Variants in P4HB observed in about 807,000 individuals in gnomAD.
The protein encoded by P4HB is prolyl 4-hydroxylase subunit beta.
A neutral mutation model predicts 52.6 loss-of-function variants in P4HB; 20 were observed. The ratio of observed to expected loss-of-function variants is 0.38; its 90% CI spans 0.27 to 0.55. The LOEUF (loss-of-function observed/expected upper bound fraction) is 0.55, where lower values mean the gene tolerates loss of function less well. Among genes scored for constraint, P4HB ranks in the 20% least tolerant of loss-of-function variants. The pLI, the probability that P4HB is intolerant of heterozygous loss-of-function variation, is 0.74. For synonymous variants in P4HB, 296 were observed against 277.9 expected (o/e 1.07, Z -0.65); for missense variants, 601 against 669.2 (o/e 0.90, Z 1.12).
Position 81,855,012 on chromosome 17 carries a change from A to C in P4HB, c.624+130T>G. The C allele has an allele frequency of 1.1e-6, 1 of 875,738 alleles. No homozygotes were observed. The highest frequency in any genetic ancestry group is 1.8e-6 in the Non-Finnish European group (1 of 541,502). 54.2% of individuals were successfully genotyped at this position (875,738 alleles called of 1,614,324 possible). On this transcript the variant is annotated intron_variant, in intron 4 of 10. Coordinates refer to ENST00000331483, the MANE Select transcript of P4HB (RefSeq NM_000918.4). The surrounding 1 kb of genome is among the most constrained non-coding windows in gnomAD (Gnocchi z 4.3). The stretch of plus-strand genomic sequence containing the variant: ...ATCAGCGCAACACCCCAACTTGGCA[A>C]AGCTGCAGAACATACCTATTGGGCC...
At chr17:81,858,257 C>CAAAAA (rs901002093) in intron 2 of P4HB, among the ~76,000 whole-genome samples, 1 of 38,780 alleles carries the variant, frequency 2.6e-5, no homozygotes, top group African/African-American at 7.7e-5. Flanking sequence ...GAGACTGTCT[C>CAAAAA]AAAAAAAAAA....
In P4HB at chr17:81,855,317, C is replaced by G. The variant is rs202036920; in HGVS notation, c.487-38G>C. On this transcript the variant is annotated intron_variant, in intron 3 of 10. Transcript: ENST00000331483. This position sits in a 1 kb window ranked among gnomAD's most constrained non-coding sequence, Gnocchi z 4.3. The stretch of plus-strand genomic sequence containing the variant: ...GGAGAAGCAGAGGTCGTCATGATCC[C>G]GCAGCACCAAGCAGTAGGGCAGACC... The G allele has an allele frequency of 6.2e-7, 1 of 1,612,842 alleles. No homozygotes were observed. Among genetic ancestry groups the G allele is most frequent in the African/African-American group, 1.3e-5 (1 of 74,848 alleles).
chr17:81,846,333 T>G lies in P4HB; in HGVS notation c.1056+96A>C. 3.5e-6 allele frequency: 4 copies of G among 1,135,946 alleles called. No individual in the cohort carries two copies. Among genetic ancestry groups the G allele is most frequent in the Non-Finnish European group, 5.2e-6 (4 of 764,310 alleles). The allele number at this position is 1,135,946 out of a possible 1,614,324, so 70.4% of individuals were successfully genotyped here. The stretch of plus-strand genomic sequence containing the variant: ...CTCCGTCCTCTTACTCTGAAGATCT[T>G]ACTTTGAGGACGAAGCCCAGGACAC... On this transcript the variant is annotated intron_variant, in intron 7 of 10. Coordinates refer to ENST00000331483, the MANE Select transcript of P4HB (RefSeq NM_000918.4). This position sits in a 1 kb window ranked among gnomAD's most constrained non-coding sequence, Gnocchi z 5.7.
intron 2 of P4HB, 58 bp downstream of exon 2, chr17:81,859,123 C>A: frequency 6.5e-7 from 1 of 1,531,104 alleles, no homozygotes; most frequent in Non-Finnish European, 9.0e-7. Flanking sequence ...CCTGCCCTTC[C>A]AAGTCGGCAG....
At chr17:81,845,828 C>T in intron 8 of P4HB, 43 bp downstream of exon 8, 2 of 1,613,974 alleles carry the variant, frequency 1.2e-6, no homozygotes, top group Non-Finnish European at 1.7e-6. Context: ...CTTGCGCGTG[C>T]CCTGGTGGCA....
rs761801875 is a variant in P4HB at position 81,859,299 on chromosome 17, C to G, written c.234G>C (p.Arg78Ser). 3.3e-5 allele frequency: 53 copies of G among 1,613,908 alleles called. No homozygotes were observed. The South Asian group carries it at 5.0e-4, about 15-fold the overall frequency. Reference protein sequence around the residue: ...GKLKAEGSEIRLAKVDATEES... With the variant: ...GKLKAEGSEISLAKVDATEES... Reference sequence around the variant, plus strand: ...CCTCCGTGGCGTCCACCTTGGCCAACCTGATCTCGGAACCTTCTGCCTTCA... The same window carrying G: ...CCTCCGTGGCGTCCACCTTGGCCAAGCTGATCTCGGAACCTTCTGCCTTCA... The change falls in exon 2 of 11, where the codon AGG (arginine) becomes AGC (serine). Residue 78 changes from arginine to serine, a missense_variant. Transcript: ENST00000331483.
chr17:81,859,997 G>A (rs909770401), intron 1 of P4HB: 3 of 231,770 alleles, frequency 1.3e-5, no homozygotes, highest in Non-Finnish European at 1.7e-5. Context: ...GCAGGAGCGG[G>A]GCGCCTTCCG....
intron 4 of P4HB, among the ~76,000 whole-genome samples, chr17:81,848,746 A>G (rs913923403): frequency 1.4e-5 from 2 of 145,954 alleles, no homozygotes; most frequent in African/African-American, 5.1e-5. Context: ...CAAAAAAAAA[A>G]AAAAAAAAAA....
Position 81,855,361 on chromosome 17 carries a change from G to A in P4HB, c.487-82C>T. The A allele has an allele frequency of 1.2e-6, 2 of 1,600,880 alleles. No individual in the cohort carries two copies. Among genetic ancestry groups the A allele is most frequent in the Non-Finnish European group, 1.7e-6 (2 of 1,170,674 alleles). ...GCAGACCCTGTAGAGCCCAGGCCAG[G>A]GGGGACACGTGCAGAACTGCCAGCT... On this transcript the variant is annotated intron_variant, in intron 3 of 10. Coordinates refer to ENST00000331483, the MANE Select transcript of P4HB (RefSeq NM_000918.4). The surrounding 1 kb of genome is among the most constrained non-coding windows in gnomAD (Gnocchi z 4.3).
intron 4 of P4HB, among the ~76,000 whole-genome samples, chr17:81,852,328 G>A (rs2038844727): frequency 6.6e-6 from 1 of 152,204 alleles, no homozygotes; most frequent in African/African-American, 2.4e-5. Context: ...GAAGGGAAGA[G>A]CAGGCAAGAG....
intron 4 of P4HB, among the ~76,000 whole-genome samples, chr17:81,852,846 T>A (rs1353622505): frequency 6.6e-6 from 1 of 152,226 alleles, no homozygotes; most frequent in Non-Finnish European, 1.5e-5. Flanking sequence ...GAAGGAGCTG[T>A]GGGCTGTGTG....
At position 81,860,479 on chromosome 17, in the gene P4HB, A is replaced by G; in HGVS notation, c.-8T>C. ...CAGAGCGCGGCGCAGCATGTCGGAC[A>G]CGGATCAGGCGGGGCGCTTCGGTTG... On this transcript the variant is annotated 5_prime_UTR_variant, in exon 1 of 11. Transcript: ENST00000331483. 4 of 1,303,096 alleles carry G rather than the reference A, an allele frequency of 3.1e-6. No individual in the cohort carries two copies. The highest frequency in any genetic ancestry group is 2.9e-6 in the Non-Finnish European group (3 of 1,023,440). 80.7% of individuals were successfully genotyped at this position (1,303,096 alleles called of 1,614,324 possible).
chr17:81,855,756 A>C lies in P4HB; in HGVS notation c.353-170T>G. On this transcript the variant is annotated intron_variant, in intron 2 of 10. Transcript: ENST00000331483. The surrounding 1 kb of genome is among the most constrained non-coding windows in gnomAD (Gnocchi z 4.3). ...CCCGGTGCCGTCCGCCCGCCTCCTA[A>C]ACCCCAGTGTACGTGAGACTGTGGT... The C allele has an allele frequency of 1.5e-6, 1 of 660,816 alleles. No homozygotes were observed. The highest frequency in any genetic ancestry group is 2.5e-6 in the Non-Finnish European group (1 of 395,794). The allele number at this position is 660,816 out of a possible 1,614,324, so 40.9% of individuals were successfully genotyped here.
At position 81,846,546 on chromosome 17, in the gene P4HB, C is replaced by T. The variant is rs200780339; in HGVS notation, c.939G>A (p.Pro313=). The stretch of plus-strand genomic sequence containing the variant: ...CCTCCAGGGTGATGAGGCGCACGGC[C>T]GGGCACTCTTCCTTCTTCAGGCCAA... ...EFFGLKKEEC[P]AVRLITLEEE... is the part of the protein sequence containing the mutation. Residue 313 remains proline, a synonymous_variant, in exon 7 of 11, where the codon CCG becomes CCA. Coordinates refer to ENST00000331483, the MANE Select transcript of P4HB (RefSeq NM_000918.4). The surrounding 1 kb of genome is among the most constrained non-coding windows in gnomAD (Gnocchi z 5.7). 55 of 1,614,022 alleles carry T rather than the reference C, an allele frequency of 3.4e-5. No individual in the cohort carries two copies. In the East Asian group the frequency reaches 4.2e-4, roughly 12 times the overall value.
rs866190984 is a variant in P4HB at position 81,845,917 on chromosome 17, A to G, written c.1131T>C (p.Phe377=). The G allele has an allele frequency of 1.2e-6, 2 of 1,613,614 alleles. No homozygotes were observed. The highest frequency in any genetic ancestry group is 2.7e-5 in the African/African-American group (2 of 74,938). ...TTTTCTCATCAAAAGCCACGTCTTC[A>G]AAGTTCTTCCCAACAAGCACCTTGA... is the stretch of plus-strand genomic sequence containing the variant. ...QPVKVLVGKN[F]EDVAFDEKKN... The change falls in exon 8 of 11, where the codon TTT becomes TTC. Residue 377 remains phenylalanine, a synonymous_variant. Coordinates refer to ENST00000331483, the MANE Select transcript of P4HB (RefSeq NM_000918.4).
Position 81,845,682 on chromosome 17 carries a change from G to C in P4HB, c.1238C>G (p.Thr413Arg), listed in dbSNP as rs148639349. 1.2e-6 allele frequency: 2 copies of C among 1,613,838 alleles called. No homozygotes were observed. The highest frequency in any genetic ancestry group is 1.7e-6 in the Non-Finnish European group (2 of 1,179,806). The change falls in exon 9 of 11, where the codon ACG becomes AGG. Residue 413 changes from threonine to arginine, a missense_variant. Physicochemically the swap from Thr to Arg is moderately conservative, Grantham distance 71 (BLOSUM62 -1). Coordinates refer to ENST00000331483, the MANE Select transcript of P4HB (RefSeq NM_000918.4). ...GACGATGTTCTCATGGTCCTTGTAC[G>C]TCTCTCCCAGTTTATCCCAAATGGG... ...LAPIWDKLGE[T>R]YKDHENIVIA...
intron 4 of P4HB, chr17:81,847,822 C>T (rs1348182736): frequency 4.4e-5 from 7 of 159,814 alleles, no homozygotes; most frequent in Admixed American, 2.9e-4. Context: ...GGACTACAGG[C>T]GCCTGCCACC....
At position 81,843,356 on chromosome 17, in the gene P4HB, C is replaced by G. The variant is rs960659683; in HGVS notation, c.*656G>C. 5.0e-6 allele frequency: 2 copies of G among 396,792 alleles called. No homozygotes were observed. The highest frequency in any genetic ancestry group is 4.1e-5 in the African/African-American group (2 of 48,602). The allele number at this position is 396,792 out of a possible 1,614,324, so 24.6% of individuals were successfully genotyped here. ...GAGGCCAGTGGTCACAATGAGCCCA[C>G]GACAGGAGGAGGAGCCCTGGCTTGA... On this transcript the variant is annotated 3_prime_UTR_variant, in exon 11 of 11. Transcript: ENST00000331483.
In P4HB at chr17:81,855,303, G is replaced by C; in HGVS notation, c.487-24C>G. On this transcript the variant is annotated intron_variant, in intron 3 of 10. Transcript: ENST00000331483. This position sits in a 1 kb window ranked among gnomAD's most constrained non-coding sequence, Gnocchi z 4.3. ...TCCTGAATGAGGAGGGAGAAGCAGA[G>C]GTCGTCATGATCCCGCAGCACCAAG... 6.2e-7 allele frequency: 1 copy of C among 1,613,570 alleles called. No homozygotes were observed. Among genetic ancestry groups the C allele is most frequent in the South Asian group, 1.1e-5 (1 of 91,062 alleles).
Sources: gnomAD v4.1 joint callset for allele counts (sites outside exome capture counted in the v4.1 genomes callset) on GRCh38, gnomAD v4.1.1 for gene constraint, Gnocchi (gnomAD v3.1) non-coding constraint, MANE v1.5 for transcripts, NCBI Gene and HGNC (gene_info 2026-07-23, HGNC 2026-07-21) for gene names.